Variants in ONECUT3 observed in about 807,000 individuals in gnomAD.
ONECUT3 encodes one cut domain family member 3.
A neutral mutation model predicts 16.8 loss-of-function variants in ONECUT3; 11 were observed. The observed-to-expected ratio is 0.66, with a 90% CI of 0.41 to 1.09. ONECUT3 has a LOEUF of 1.09. Among genes scored for constraint, ONECUT3 ranks in the 50% least tolerant of loss-of-function variants. ONECUT3 has a pLI of 0.00. For missense variants in ONECUT3, 637 were observed against 629.9 expected (o/e 1.01, Z -0.12); for synonymous variants, 344 against 310.7 (o/e 1.11, Z -1.13).
rs907725090 is a variant in ONECUT3, at chr19:1,754,010, G to C, written c.348G>C (p.Pro116=). ...TTLTPLQHLP[P]LAAVADKFHQ... The stretch of plus-strand genomic sequence containing the variant: ...TCACGCCCCTGCAGCACCTGCCGCC[G>C]CTCGCGGCCGTGGCCGACAAGTTCC... The change falls in exon 1 of 2, where the codon CCG becomes CCC. Residue 116 remains proline, a synonymous_variant. Transcript: ENST00000382349. This position sits in a 1 kb window ranked among gnomAD's most constrained non-coding sequence, Gnocchi z 7.4. The C allele has an allele frequency of 1.2e-5, 12 of 993,432 alleles. No individual in the cohort carries two copies. Among genetic ancestry groups the C allele is most frequent in the Non-Finnish European group, 1.4e-5 (12 of 836,666 alleles). The allele number at this position is 993,432 out of a possible 1,614,324, so 61.5% of individuals were successfully genotyped here.
rs1433501718 is a variant in ONECUT3, at chr19:1,766,995, G to T, written c.1193-8158G>T. Among the ~76,000 whole-genome samples, 5 of 152,058 alleles carry T rather than the reference G, an allele frequency of 3.3e-5. No homozygotes were observed. Among genetic ancestry groups the T allele is most frequent in the African/African-American group, 1.2e-4 (5 of 41,402 alleles). ...CAGAGGAGGGGCCCCGGGCTCCGCT[G>T]CGGGGGGAGGGAGGGACTTCCTGGG... On this transcript the variant is annotated intron_variant, in intron 1 of 1. Transcript: ENST00000382349. This position sits in a 1 kb window ranked among gnomAD's most constrained non-coding sequence, Gnocchi z 4.0.
At chr19:1,773,963 G>T (rs1417708451) in intron 1 of ONECUT3, among the ~76,000 whole-genome samples, 1 of 152,200 alleles carries the variant, frequency 6.6e-6, no homozygotes, top group Non-Finnish European at 1.5e-5. Flanking sequence ...CAAGTGTCTG[G>T]TCTGCAGGCC....
chr19:1,757,785 G>A (rs748531936), intron 1 of ONECUT3, among the ~76,000 whole-genome samples: 6 of 152,234 alleles, frequency 3.9e-5, no homozygotes, highest in African/African-American at 9.6e-5. Context: ...AATCGCGGCG[G>A]TTAGGGGGAG....
rs2068109399 is a variant in ONECUT3 at position 1,776,389 on chromosome 19, T to C, written c.*944T>C. The C allele has an allele frequency of 6.6e-6, 1 of 152,216 alleles. No homozygotes were observed. 9.4% of individuals were successfully genotyped at this position (152,216 alleles called of 1,614,324 possible). On this transcript the variant is annotated 3_prime_UTR_variant, in exon 2 of 2. Transcript: ENST00000382349. This position sits in a 1 kb window ranked among gnomAD's most constrained non-coding sequence, Gnocchi z 4.9. ...CTGGGGCCGCCCGGAGGAGCCCCTC[T>C]GCACGGGCCCGTGGAGACGCTTCCT... is the stretch of plus-strand genomic sequence containing the variant.
chr19:1,754,168 C>A lies in ONECUT3; in HGVS notation c.506C>A (p.Thr169Asn). 6 of 1,128,434 alleles carry A rather than the reference C, an allele frequency of 5.3e-6. No individual in the cohort carries two copies. The highest frequency in any genetic ancestry group is 2.1e-5 in the South Asian group (1 of 47,764). 69.9% of individuals were successfully genotyped at this position (1,128,434 alleles called of 1,614,324 possible). A position where few individuals can be genotyped will look rare whatever the true frequency, so the allele number is the denominator to read the frequency against. The stretch of plus-strand genomic sequence containing the variant: ...GCGGCCAGCGTGAGCGGCAGCTTCA[C>A]CCTCATGCGCGACGAGCGGGCGGCG... ...RLAASVSGSF[T>N]LMRDERAALA... Residue 169 changes from threonine to asparagine, a missense_variant, in exon 1 of 2, where the codon ACC (threonine) becomes AAC (asparagine). By Grantham distance (65) the Thr-to-Asn change is moderately conservative (BLOSUM62 0). Coordinates refer to ENST00000382349, the MANE Select transcript of ONECUT3 (RefSeq NM_001080488.2). This position sits in a 1 kb window ranked among gnomAD's most constrained non-coding sequence, Gnocchi z 7.4.
chr19:1,768,535 G>C (rs1176652304), intron 1 of ONECUT3, among the ~76,000 whole-genome samples: 2 of 152,204 alleles, frequency 1.3e-5, no homozygotes, highest in Non-Finnish European at 2.9e-5. Flanking sequence ...TGGGGTCCCA[G>C]AGCAAGCTTG....
Position 1,755,909 on chromosome 19 carries a change from G to A in ONECUT3, c.1192+1055G>A, listed in dbSNP as rs1227520564. On this transcript the variant is annotated intron_variant, in intron 1 of 1. Coordinates refer to ENST00000382349, the MANE Select transcript of ONECUT3 (RefSeq NM_001080488.2). The surrounding 1 kb of genome is among the most constrained non-coding windows in gnomAD (Gnocchi z 7.5). ...GTGTAAGGGTGCAGGAGGGCCCCTGGCCTAGGTGGGGGTTTCTTTCCCTGG... is the reference window on the plus strand; with the variant it reads ...GTGTAAGGGTGCAGGAGGGCCCCTGACCTAGGTGGGGGTTTCTTTCCCTGG... 6.6e-6 allele frequency among the ~76,000 whole-genome samples: 1 copy of A among 152,028 alleles called. No homozygotes were observed. The highest frequency in any genetic ancestry group is 2.4e-5 in the African/African-American group (1 of 41,398).
At chr19:1,765,797 C>G (rs539685543) in intron 1 of ONECUT3, among the ~76,000 whole-genome samples, 1 of 152,204 alleles carries the variant, frequency 6.6e-6, no homozygotes, top group Non-Finnish European at 1.5e-5. Flanking sequence ...AGAGCCCACC[C>G]GCGTCCCCAT....
Position 1,775,137 on chromosome 19 carries a change from C to CGCCG in ONECUT3, c.1193-15_1193-12dup. 3.0e-6 allele frequency: 4 copies of CGCCG among 1,342,916 alleles called. No homozygotes were observed. In the South Asian group the frequency reaches 6.0e-5, roughly 20 times the overall value. The allele number at this position is 1,342,916 out of a possible 1,614,324, so 83.2% of individuals were successfully genotyped here. A position where few individuals can be genotyped will look rare whatever the true frequency, so the allele number is the denominator to read the frequency against. On this transcript the variant is annotated splice_polypyrimidine_tract_variant and intron_variant, in intron 1 of 1. Coordinates refer to ENST00000382349, the MANE Select transcript of ONECUT3 (RefSeq NM_001080488.2). ...GCTGTGTCCCGCTCGCCCGCCCGCC[C>CGCCG]GCCGCTCGCCCGCAGCCTGCAAGCG...
chr19:1,754,893 C>T lies in ONECUT3; in HGVS notation c.1192+39C>T. On this transcript the variant is annotated intron_variant, in intron 1 of 1. Coordinates refer to ENST00000382349, the MANE Select transcript of ONECUT3 (RefSeq NM_001080488.2). This position sits in a 1 kb window ranked among gnomAD's most constrained non-coding sequence, Gnocchi z 7.4. ...GCGCAGGGCCAGACCCTGGGGGCGC[C>T]GGCTCTGGACTCCCGAGCACCTAGC... 3.0e-6 allele frequency: 4 copies of T among 1,345,970 alleles called. No homozygotes were observed. The highest frequency in any genetic ancestry group is 1.7e-5 in the South Asian group (1 of 58,476). 83.4% of individuals were successfully genotyped at this position (1,345,970 alleles called of 1,614,324 possible).
rs1450767533 is a variant in ONECUT3 at position 1,778,908 on chromosome 19, ACACACC to A, written c.*3465_*3470del. 2.3e-5 allele frequency: 3 copies of A among 128,434 alleles called. No homozygotes were observed. Among genetic ancestry groups the A allele is most frequent in the Non-Finnish European group, 5.0e-5 (3 of 59,682 alleles). 8.0% of individuals were successfully genotyped at this position (128,434 alleles called of 1,614,324 possible). A position where few individuals can be genotyped will look rare whatever the true frequency, so the allele number is the denominator to read the frequency against. On this transcript the variant is annotated 3_prime_UTR_variant, in exon 2 of 2. Coordinates refer to ENST00000382349, the MANE Select transcript of ONECUT3 (RefSeq NM_001080488.2). Reference sequence around the variant, plus strand: ...CACACACACACACACACACACACACACACACCCCTACCTGTTTCCGGACCCCACCCC... The same window carrying A: ...CACACACACACACACACACACACACACCTACCTGTTTCCGGACCCCACCCC...
chr19:1,756,438 C>A (rs1250282192), intron 1 of ONECUT3, among the ~76,000 whole-genome samples: 8 of 152,200 alleles, frequency 5.3e-5, no homozygotes, highest in Admixed American at 4.6e-4. Flanking sequence ...GGCACTCGTG[C>A]GCTCACCATA....
intron 1 of ONECUT3, among the ~76,000 whole-genome samples, chr19:1,757,914 G>T (rs999300908): frequency 6.6e-6 from 1 of 152,098 alleles, no homozygotes; most frequent in Non-Finnish European, 1.5e-5. Flanking sequence ...CAGAGGACTC[G>T]CCGCCCTTTC....
In ONECUT3 at chr19:1,775,981, C is replaced by G. The variant is rs1400122590; in HGVS notation, c.*536C>G. The stretch of plus-strand genomic sequence containing the variant: ...TTCCAAAGTCGCCAAAAACCCACAT[C>G]AAGCCGGATCCTTACGGTCCCCCAC... On this transcript the variant is annotated 3_prime_UTR_variant, in exon 2 of 2. Coordinates refer to ENST00000382349, the MANE Select transcript of ONECUT3 (RefSeq NM_001080488.2). 1 of 147,024 alleles carries G rather than the reference C, an allele frequency of 6.8e-6. No individual in the cohort carries two copies. The highest frequency in any genetic ancestry group is 1.5e-5 in the Non-Finnish European group (1 of 66,852). 9.1% of individuals were successfully genotyped at this position (147,024 alleles called of 1,614,324 possible). A position where few individuals can be genotyped will look rare whatever the true frequency, so the allele number is the denominator to read the frequency against.
chr19:1,773,162 C>T (rs889502436), intron 1 of ONECUT3, among the ~76,000 whole-genome samples: 1 of 151,982 alleles, frequency 6.6e-6, no homozygotes, highest in Admixed American at 6.6e-5. Context: ...TCTCTTACTC[C>T]TCTGGGAATA....
At chr19:1,774,464 C>T (rs74980858) in intron 1 of ONECUT3, among the ~76,000 whole-genome samples, 1,550 of 152,030 alleles carry the variant, frequency 0.01, 22 homozygotes, top group African/African-American at 0.035. Context: ...GGTTAGCCCA[C>T]CATTTCTGGG....
Position 1,753,666 on chromosome 19 carries a change from G to T in ONECUT3, c.4G>T (p.Glu2Ter). The T allele has an allele frequency of 9.5e-7, 1 of 1,051,860 alleles. No homozygotes were observed. Among genetic ancestry groups the T allele is most frequent in the Non-Finnish European group, 1.1e-6 (1 of 873,444 alleles). 65.2% of individuals were successfully genotyped at this position (1,051,860 alleles called of 1,614,324 possible). M[E>*]LSLESLGGLH... is the part of the protein sequence containing the mutation. Reference sequence around the variant, plus strand: ...CGCGGCGGGAGGGCAGCCGAGCATGGAGCTGAGCCTGGAGAGCCTGGGGGG... The same window carrying T: ...CGCGGCGGGAGGGCAGCCGAGCATGTAGCTGAGCCTGGAGAGCCTGGGGGG... The change falls in exon 1 of 2, where the codon GAG becomes TAG. Residue 2 changes from glutamate to a stop codon, truncating the protein, a stop_gained. Transcript: ENST00000382349. LOFTEE classifies it high-confidence loss of function.
At position 1,754,987 on chromosome 19, in the gene ONECUT3, C is replaced by G. The variant is rs1281025521; in HGVS notation, c.1192+133C>G. 4.5e-5 allele frequency: 54 copies of G among 1,192,604 alleles called. No individual in the cohort carries two copies. The highest frequency in any genetic ancestry group is 5.3e-5 in the Non-Finnish European group (50 of 938,846). The allele number at this position is 1,192,604 out of a possible 1,614,324, so 73.9% of individuals were successfully genotyped here. ...CGTGCGCCCCGGCAGCCCGGGACCC[C>G]CTATCAGGAAGCTAGACCGCGATCC... On this transcript the variant is annotated intron_variant, in intron 1 of 1. Coordinates refer to ENST00000382349, the MANE Select transcript of ONECUT3 (RefSeq NM_001080488.2). This position sits in a 1 kb window ranked among gnomAD's most constrained non-coding sequence, Gnocchi z 7.4.
At position 1,771,024 on chromosome 19, in the gene ONECUT3, A is replaced by G. The variant is rs116651255; in HGVS notation, c.1193-4129A>G. Among the ~76,000 whole-genome samples the G allele has an allele frequency of 1.9e-3, 291 of 152,344 alleles. 1 individual carries two copies. Among genetic ancestry groups the G allele is most frequent in the African/African-American group, 6.5e-3 (272 of 41,586 alleles). ...TTTTGGAAAACATTGTCCACAGCTG[A>G]GCCATGTAGAGTACTAGGACTGCAT... On this transcript the variant is annotated intron_variant, in intron 1 of 1. Coordinates refer to ENST00000382349, the MANE Select transcript of ONECUT3 (RefSeq NM_001080488.2).
Sources: allele counts gnomAD v4.1 joint callset (sites outside exome capture counted in the v4.1 genomes callset), GRCh38; gene constraint gnomAD v4.1.1; non-coding constraint Gnocchi (gnomAD v3.1); transcripts MANE v1.5; gene names NCBI Gene and HGNC (gene_info 2026-07-23, HGNC 2026-07-21).